Variants in ST3GAL3 observed in about 807,000 individuals in gnomAD.
ST3GAL3 encodes ST3 beta-galactoside alpha-2,3-sialyltransferase 3.
ST3GAL3 carries 21 observed loss-of-function variants against 50.1 expected under a neutral mutation model. The observed-to-expected ratio is 0.42, with a 90% CI of 0.30 to 0.60. The LOEUF is 0.60. Among genes scored for constraint, ST3GAL3 ranks in the 20% least tolerant of loss-of-function variants. The pLI, the probability that ST3GAL3 is intolerant of heterozygous loss-of-function variation, is 0.19. For missense variants in ST3GAL3, 353 were observed against 489.4 expected (o/e 0.72, Z 2.63); for synonymous variants, 183 against 190.0 (o/e 0.96, Z 0.30).
chr1:43,761,224 A>T (rs1040571299), intron 2 of ST3GAL3, among the ~76,000 whole-genome samples: 1 of 152,198 alleles, frequency 6.6e-6, no homozygotes, highest in Non-Finnish European at 1.5e-5. Context: ...TGTAAGATTT[A>T]ATAGTCACAA....
intron 5 of ST3GAL3, among the ~76,000 whole-genome samples, chr1:43,878,070 G>T (rs781564410): frequency 4.6e-5 from 7 of 152,140 alleles, no homozygotes; most frequent in Non-Finnish European, 1.0e-4. Context: ...GCAGGGCTGG[G>T]CTCCCTCCAG....
intron 5 of ST3GAL3, among the ~76,000 whole-genome samples, chr1:43,868,695 T>G (rs1159062184): frequency 6.6e-6 from 1 of 152,088 alleles, no homozygotes; most frequent in Non-Finnish European, 1.5e-5. Flanking sequence ...AAGTTTCCTC[T>G]CCTTGCCTAC....
chr1:43,920,734 C>A (rs2082888257), intron 10 of ST3GAL3, 48 bp from the exon 11 acceptor site: 1 of 1,613,772 alleles, frequency 6.2e-7, no homozygotes, highest in East Asian at 2.2e-5. Context: ...TCCCAGCCCT[C>A]CAGCTGAACT....
At chr1:43,821,014 A>G (rs984785347) in intron 4 of ST3GAL3, among the ~76,000 whole-genome samples, 1 of 152,182 alleles carries the variant, frequency 6.6e-6, no homozygotes, top group Non-Finnish European at 1.5e-5. Context: ...CTCCTGCTCC[A>G]TACCCCAGAT....
In ST3GAL3 at chr1:43,838,521, C is replaced by CAAG. The variant is rs2154197690; in HGVS notation, c.302+210_302+211insAAG. Reference sequence around the variant, plus strand: ...CCCATCCTGCCTCTGGAGCTTGCACCTTGTGGCACAGCCTGTTTCTGCAGA... The same window carrying CAAG: ...CCCATCCTGCCTCTGGAGCTTGCACCAAGTTGTGGCACAGCCTGTTTCTGCAGA... On this transcript the variant is annotated intron_variant, in intron 5 of 11. Coordinates refer to ENST00000347631, the MANE Select transcript of ST3GAL3 (RefSeq NM_006279.5). The CAAG allele has an allele frequency of 7.2e-6, 4 of 556,330 alleles. No homozygotes were observed. The East Asian group carries it at 1.4e-4, about 20-fold the overall frequency. The allele number at this position is 556,330 out of a possible 1,614,324, so 34.5% of individuals were successfully genotyped here.
chr1:43,892,328 C>T (rs1013562268), intron 5 of ST3GAL3, among the ~76,000 whole-genome samples: 1 of 152,022 alleles, frequency 6.6e-6, no homozygotes, highest in African/African-American at 2.4e-5. Flanking sequence ...TGTGATCTGA[C>T]CTCACTGCAG....
At chr1:43,833,707 G>A (rs2063853360) in intron 4 of ST3GAL3, among the ~76,000 whole-genome samples, 1 of 152,154 alleles carries the variant, frequency 6.6e-6, no homozygotes, top group Admixed American at 6.5e-5. Context: ...GAAATGAGAG[G>A]CAGAAAGGGG....
chr1:43,733,402 A>T (rs780418703), intron 1 of ST3GAL3, among the ~76,000 whole-genome samples: 1 of 152,244 alleles, frequency 6.6e-6, no homozygotes, highest in Non-Finnish European at 1.5e-5. Flanking sequence ...TAACAGCTGT[A>T]TAGCCTGTCA....
intron 3 of ST3GAL3, among the ~76,000 whole-genome samples, chr1:43,806,171 A>G (rs1316332075): frequency 6.6e-6 from 1 of 152,260 alleles, no homozygotes; most frequent in Non-Finnish European, 1.5e-5. Context: ...AGACAATAGT[A>G]TAAGACAGGG....
rs889522938 is a variant in ST3GAL3, at chr1:43,920,150, G to A, written c.745-254G>A. 69 of 532,710 alleles carry A rather than the reference G, an allele frequency of 1.3e-4. No individual in the cohort carries two copies. The Admixed American group carries it at 1.4e-3, about 11-fold the overall frequency. The allele number at this position is 532,710 out of a possible 1,614,324, so 33.0% of individuals were successfully genotyped here. On this transcript the variant is annotated intron_variant, in intron 9 of 11. Transcript: ENST00000347631. ...AGCATCCCACATCCTGTGCCTGCCCGACGACTCCCTTCGTATCCTCCTCTG... is the reference window on the plus strand; with the variant it reads ...AGCATCCCACATCCTGTGCCTGCCCAACGACTCCCTTCGTATCCTCCTCTG...
At chr1:43,886,751 A>T (rs1311176614) in intron 5 of ST3GAL3, among the ~76,000 whole-genome samples, 3 of 152,222 alleles carry the variant, frequency 2.0e-5, no homozygotes, top group African/African-American at 7.2e-5. Context: ...TGGAGACAGG[A>T]TATCCACTGC....
intron 1 of ST3GAL3, among the ~76,000 whole-genome samples, chr1:43,719,500 A>G (rs1571302260): frequency 6.6e-6 from 1 of 152,154 alleles, no homozygotes; most frequent in African/African-American, 2.4e-5. Context: ...CGTCTCTGCT[A>G]AAATACAAAA....
intron 5 of ST3GAL3, chr1:43,851,403 C>A (rs1406829832): frequency 1.2e-6 from 2 of 1,610,460 alleles, no homozygotes; most frequent in Non-Finnish European, 8.5e-7. Context: ...GACGTTGACC[C>A]CCCAGCACTG....
chr1:43,907,146 T>C (rs966620088), intron 9 of ST3GAL3, among the ~76,000 whole-genome samples: 28 of 152,308 alleles, frequency 1.8e-4, no homozygotes, highest in African/African-American at 6.5e-4. Flanking sequence ...AGGCAGATAC[T>C]ATGAGTAGCA....
chr1:43,716,114 T>C (rs1276148609), intron 1 of ST3GAL3, among the ~76,000 whole-genome samples: 1 of 152,174 alleles, frequency 6.6e-6, no homozygotes, highest in Admixed American at 6.5e-5. Flanking sequence ...CACTCAACAG[T>C]TTTCTTTAAA....
At chr1:43,910,062 A>C (rs2080526593) in intron 9 of ST3GAL3, among the ~76,000 whole-genome samples, 1 of 152,234 alleles carries the variant, frequency 6.6e-6, no homozygotes, top group African/African-American at 2.4e-5. Flanking sequence ...TTGGAAAGGA[A>C]ATGGAACTTG....
At chr1:43,809,059 C>G (rs1260194066) in intron 3 of ST3GAL3, among the ~76,000 whole-genome samples, 1 of 151,868 alleles carries the variant, frequency 6.6e-6, no homozygotes, top group Non-Finnish European at 1.5e-5. Context: ...CTGTCCCCAA[C>G]AAGGTAAAAT....
intron 5 of ST3GAL3, 36 bp downstream of exon 5, chr1:43,838,347 C>T: frequency 6.3e-7 from 1 of 1,584,134 alleles, no homozygotes; most frequent in Non-Finnish European, 8.7e-7. Flanking sequence ...GCCTAGACAG[C>T]CTGGTCTGGG....
intron 5 of ST3GAL3, among the ~76,000 whole-genome samples, chr1:43,863,511 A>G (rs1345723324): frequency 2.0e-5 from 3 of 152,240 alleles, no homozygotes; most frequent in South Asian, 2.1e-4. Context: ...AGTCAAGTTC[A>G]AACAAAAGGC....
Sources: allele counts gnomAD v4.1 joint callset (sites outside exome capture counted in the v4.1 genomes callset), GRCh38; gene constraint gnomAD v4.1.1; transcripts MANE v1.5; gene names NCBI Gene and HGNC (gene_info 2026-07-23, HGNC 2026-07-21).